Variants in GLT8D2 observed in about 807,000 individuals in gnomAD.
GLT8D2 encodes glycosyltransferase 8 domain containing 2.
In GLT8D2, 45 loss-of-function variants were observed where a neutral mutation model predicts 44.5. The ratio of observed to expected loss-of-function variants is 1.01; its 90% CI spans 0.80 to 1.30. GLT8D2 has a LOEUF of 1.30. Ranked by LOEUF, GLT8D2 falls within the 50% of genes most tolerant of loss-of-function variation. GLT8D2 has a pLI of 0.00. For synonymous variants in GLT8D2, 156 were observed against 157.2 expected (o/e 0.99, Z 0.06); for missense variants, 400 against 430.4 (o/e 0.93, Z 0.62).
intron 1 of GLT8D2, among the ~76,000 whole-genome samples, chr12:104,033,092 G>A (rs1879507774): frequency 6.6e-6 from 1 of 152,094 alleles, no homozygotes; most frequent in Non-Finnish European, 1.5e-5. Flanking sequence ...ATGTTGGCCA[G>A]GCTGGTCTCC....
rs578142084 is a variant in GLT8D2, at chr12:103,990,544, T to C, written c.881-967A>G. On this transcript the variant is annotated intron_variant, in intron 10 of 10. Transcript: ENST00000360814. ...TAAAAATCTCTATAGTGTTCGACTT[T>C]CTTTCCATGAAAAGGAATTTGATAT... Among the ~76,000 whole-genome samples, 11 of 152,302 alleles carry C rather than the reference T, an allele frequency of 7.2e-5. No individual in the cohort carries two copies. The East Asian group carries it at 2.1e-3, about 29-fold the overall frequency.
At chr12:103,992,491 C>CTTTTTTTTTTTTTTTTTT (rs1232659471) in intron 10 of GLT8D2, among the ~76,000 whole-genome samples, 1 of 129,984 alleles carries the variant, frequency 7.7e-6, no homozygotes, top group Non-Finnish European at 1.6e-5. Flanking sequence ...CTCTCTCTCT[C>CTTTTTTTTTTTTTTTTTT]TTTTTTTTTT....
intron 1 of GLT8D2, among the ~76,000 whole-genome samples, chr12:104,035,907 G>C (rs1464001577): frequency 6.6e-6 from 1 of 152,072 alleles, no homozygotes; most frequent in African/African-American, 2.4e-5. Context: ...AAATGTTAAG[G>C]GCAGCCACAA....
intron 3 of GLT8D2, among the ~76,000 whole-genome samples, chr12:104,016,144 T>C (rs1876552214): frequency 6.6e-6 from 1 of 152,246 alleles, no homozygotes; most frequent in South Asian, 2.1e-4. Context: ...AACGCAGCCA[T>C]CCTTGTCGTG....
intron 10 of GLT8D2, 112 bp from the exon 11 acceptor site, chr12:103,989,689 T>C: frequency 1.0e-6 from 1 of 969,704 alleles, no homozygotes; most frequent in Non-Finnish European, 1.5e-6. Context: ...AAAAAGGTTA[T>C]ACAGTGAATT....
intron 5 of GLT8D2, among the ~76,000 whole-genome samples, chr12:104,002,567 T>C (rs542033324): frequency 3.6e-4 from 55 of 152,372 alleles, no homozygotes; most frequent in African/African-American, 1.1e-3. Context: ...CAATTATCTT[T>C]CATTTTTATA....
chr12:104,060,915 C>T (rs1882591309), intron 1 of GLT8D2, among the ~76,000 whole-genome samples: 1 of 151,616 alleles, frequency 6.6e-6, no homozygotes, highest in African/African-American at 2.4e-5. Context: ...AGAGCCAGAC[C>T]TTGTCTCAAA....
At chr12:104,014,973 T>TC (rs1264520824) in intron 4 of GLT8D2, 40 bp downstream of exon 4, 2 of 1,423,630 alleles carry the variant, frequency 1.4e-6, no homozygotes, top group Middle Eastern at 1.7e-4. Context: ...CAAACCACAT[T>TC]CCTGGGTATC....
Position 104,021,410 on chromosome 12 carries a change from T to C in GLT8D2, c.-82A>G, listed in dbSNP as rs1353422203. The C allele has an allele frequency of 1.3e-5, 2 of 152,348 alleles. No homozygotes were observed. The highest frequency in any genetic ancestry group is 6.5e-5 in the Admixed American group (1 of 15,278). The allele number at this position is 152,348 out of a possible 1,614,324, so 9.4% of individuals were successfully genotyped here. A position where few individuals can be genotyped will look rare whatever the true frequency, so the allele number is the denominator to read the frequency against. ...CCCAGGGACTATTCAAGAACAGATG[T>C]CCAATACTCAGCTCACAATCTTCTT... On this transcript the variant is annotated 5_prime_UTR_variant, in exon 2 of 11. Coordinates refer to ENST00000360814, the MANE Select transcript of GLT8D2 (RefSeq NM_001384711.1).
intron 3 of GLT8D2, among the ~76,000 whole-genome samples, chr12:104,019,044 G>A (rs1226928930): frequency 2.7e-5 from 4 of 148,674 alleles, no homozygotes; most frequent in African/African-American, 7.3e-5. Flanking sequence ...TATTCCGAAC[G>A]AGAAAATGCA....
At chr12:104,051,057 C>A (rs1161894356), upstream of GLT8D2, among the ~76,000 whole-genome samples, 2 of 151,974 alleles carry the variant, frequency 1.3e-5, no homozygotes, top group South Asian at 4.2e-4. Context: ...TCAGGTGATC[C>A]GCCGCCTCAG....
chr12:104,029,219 G>A (rs1201153986), intron 1 of GLT8D2, among the ~76,000 whole-genome samples: 1 of 152,144 alleles, frequency 6.6e-6, no homozygotes, highest in Non-Finnish European at 1.5e-5. Flanking sequence ...GAACCTGGAA[G>A]GCTGAGGTTG....
intron 5 of GLT8D2, among the ~76,000 whole-genome samples, chr12:104,000,605 C>T (rs1194169769): frequency 2.0e-5 from 3 of 152,164 alleles, no homozygotes; most frequent in Non-Finnish European, 4.4e-5. Context: ...GGGAAATAGC[C>T]CCTGGCCAAA....
intron 1 of GLT8D2, among the ~76,000 whole-genome samples, chr12:104,023,931 C>T (rs1337558298): frequency 5.3e-5 from 8 of 152,162 alleles, no homozygotes; most frequent in African/African-American, 1.7e-4. Flanking sequence ...TATCCATTCA[C>T]CCACTGAAGG....
intron 1 of GLT8D2, among the ~76,000 whole-genome samples, chr12:104,044,855 T>A (rs994668257): frequency 6.6e-6 from 1 of 152,252 alleles, no homozygotes; most frequent in South Asian, 2.1e-4. Context: ...CGCTGAAAAG[T>A]CTGAAGAATA....
intron 1 of GLT8D2, among the ~76,000 whole-genome samples, chr12:104,056,732 C>T (rs981784532): frequency 2.6e-5 from 4 of 152,188 alleles, no homozygotes; most frequent in Non-Finnish European, 5.9e-5. Flanking sequence ...TAAATACAAG[C>T]TTTGCTGCCA....
chr12:103,992,473 T>TTCTCTCTC (rs748084033), intron 10 of GLT8D2, among the ~76,000 whole-genome samples: 2 of 150,340 alleles, frequency 1.3e-5, no homozygotes, highest in African/African-American at 4.9e-5. Flanking sequence ...ACAGTGAAAG[T>TTCTCTCTC]TCTCTCTCTC....
At chr12:104,015,140 C>T in intron 3 of GLT8D2, 35 bp from the exon 4 acceptor site, 1 of 1,521,292 alleles carries the variant, frequency 6.6e-7, no homozygotes, top group Non-Finnish European at 9.1e-7. Flanking sequence ...AACATTGAAC[C>T]TATGAACCTG....
At chr12:103,995,646 G>A (rs1386448896) in intron 8 of GLT8D2, among the ~76,000 whole-genome samples, 2 of 152,158 alleles carry the variant, frequency 1.3e-5, no homozygotes, top group African/African-American at 4.8e-5. Context: ...TTTTCGTTTT[G>A]CTCACTATAT....
Sources: gnomAD v4.1 joint callset for allele counts (sites outside exome capture counted in the v4.1 genomes callset) on GRCh38, gnomAD v4.1.1 for gene constraint, MANE v1.5 for transcripts, NCBI Gene and HGNC (gene_info 2026-07-23, HGNC 2026-07-21) for gene names.